PPP2R3B: variants seen among roughly 807,000 people sequenced by gnomAD.
The protein encoded by PPP2R3B is serine/threonine-protein phosphatase 2A regulatory subunit B'' subunit beta.
PPP2R3B carries 68 observed loss-of-function variants against 72.9 expected under a neutral mutation model. That is an observed-to-expected ratio of 0.93 (90% CI 0.77 to 1.14). The LOEUF (loss-of-function observed/expected upper bound fraction) is 1.14. PPP2R3B is among the 50% of genes most tolerant of loss of function. The pLI is 0.00. For missense variants in PPP2R3B, 1,018 were observed against 842.0 expected, an observed-to-expected ratio of 1.21 and a Z score of -2.59; for synonymous variants, 466 against 375.8, an observed-to-expected ratio of 1.24 and a Z score of -2.78.
intron 1 of PPP2R3B, among the ~76,000 whole-genome samples, chrX:369,027 G>A (rs2071797505): frequency 6.6e-6 from 1 of 152,242 alleles, no homozygotes; most frequent in African/African-American, 2.4e-5. Context: ...CCCCAGCACA[G>A]CTGCAGAGCA....
chrX:374,102 C>T (rs1396261837), intron 1 of PPP2R3B: 3 of 151,016 alleles, frequency 2.0e-5, no homozygotes, highest in African/African-American at 7.3e-5. Flanking sequence ...CTGGGCGGAA[C>T]GCGCATCAAC....
chrX:384,981 T>TAAA (rs2072211999), intron 1 of PPP2R3B, among the ~76,000 whole-genome samples: 1 of 45,062 alleles, frequency 2.2e-5, no homozygotes, highest in African/African-American at 1.2e-4. Context: ...AGAATCTGTC[T>TAAA]CAAAAAAAAA....
At chrX:346,281 C>T (rs1301786289) in intron 5 of PPP2R3B, 21 bp from the exon 6 acceptor site, 1 of 1,552,556 alleles carries the variant, frequency 6.4e-7, no homozygotes, top group East Asian at 2.4e-5. Flanking sequence ...GCTGTCAGTG[C>T]GGTGGGTGCG....
chrX:353,161 G>A (rs1262393179), intron 2 of PPP2R3B, among the ~76,000 whole-genome samples: 1 of 152,088 alleles, frequency 6.6e-6, no homozygotes, highest in Admixed American at 6.5e-5. Flanking sequence ...ATCACCCGAG[G>A]TCAAGAGTTC....
chrX:386,364 T>A lies in PPP2R3B; in HGVS notation c.324+4A>T. 1 of 1,312,956 alleles carries A rather than the reference T, an allele frequency of 7.6e-7. No individual in the cohort carries two copies. The highest frequency in any genetic ancestry group is 9.8e-7 in the Non-Finnish European group (1 of 1,023,688). 81.3% of individuals were successfully genotyped at this position (1,312,956 alleles called of 1,614,324 possible). ...AGTTGTTAGCAGAAGGAAGAGTAACTTACTACTCTCGTCCCTGCGGATCTA... is the reference window on the plus strand; with the variant it reads ...AGTTGTTAGCAGAAGGAAGAGTAACATACTACTCTCGTCCCTGCGGATCTA... On this transcript the variant is annotated splice_donor_region_variant and intron_variant, in intron 1 of 12. Transcript: ENST00000390665.
Position 340,175 on chromosome X carries a change from GGGGGC to G in PPP2R3B, c.1351+585_1351+589del, listed in dbSNP as rs1420107439. Among the ~76,000 whole-genome samples, 5 of 9,014 alleles carry G rather than the reference GGGGGC, an allele frequency of 5.5e-4. 1 individual carries two copies. Among genetic ancestry groups the G allele is most frequent in the African/African-American group, 4.8e-3 (4 of 834 alleles). The allele number at this position is 9,014 out of a possible 152,430, so 5.9% of individuals were successfully genotyped here. On this transcript the variant is annotated intron_variant, in intron 10 of 12. Coordinates refer to ENST00000390665, the MANE Select transcript of PPP2R3B (RefSeq NM_013239.5). ...GGGGGGTGAGAAGGGAGGAGACGGG[GGGGGC>G]GGGGTGAGAGGGGAGGAGACGGGGG... is the stretch of plus-strand genomic sequence containing the variant.
chrX:370,593 G>A (rs1214203507), intron 1 of PPP2R3B, among the ~76,000 whole-genome samples: 5 of 152,194 alleles, frequency 3.3e-5, no homozygotes, highest in Non-Finnish European at 7.4e-5. Flanking sequence ...CTTCTGTGTG[G>A]ACGTTCCCAC....
chrX:350,233 A>G (rs1204828482), intron 2 of PPP2R3B, among the ~76,000 whole-genome samples: 1 of 152,226 alleles, frequency 6.6e-6, no homozygotes, highest in Non-Finnish European at 1.5e-5. Flanking sequence ...CACTTCACAC[A>G]AACTGAATAC....
chrX:334,168 T>C lies in PPP2R3B; in HGVS notation c.*199A>G, dbSNP rs1426918068. 1.3e-5 allele frequency: 7 copies of C among 545,644 alleles called. No homozygotes were observed. Among genetic ancestry groups the C allele is most frequent in the Non-Finnish European group, 2.0e-5 (7 of 344,576 alleles). The allele number at this position is 545,644 out of a possible 1,614,324, so 33.8% of individuals were successfully genotyped here. A position where few individuals can be genotyped will look rare whatever the true frequency, so the allele number is the denominator to read the frequency against. ...AACCCGTCCCATTCACGCGCGGCCC[T>C]ACGTGTCCCCCTGGCACAGAGCTCT... On this transcript the variant is annotated 3_prime_UTR_variant, in exon 13 of 13. Coordinates refer to ENST00000390665, the MANE Select transcript of PPP2R3B (RefSeq NM_013239.5).
At chrX:371,325 G>A (rs1476953687) in intron 1 of PPP2R3B, among the ~76,000 whole-genome samples, 4 of 152,244 alleles carry the variant, frequency 2.6e-5, no homozygotes, top group South Asian at 2.1e-4. Context: ...GAGCCTCCCC[G>A]GACCCACGGC....
intron 2 of PPP2R3B, among the ~76,000 whole-genome samples, chrX:357,251 G>C (rs1343706862): frequency 6.6e-6 from 1 of 152,094 alleles, no homozygotes; most frequent in Non-Finnish European, 1.5e-5. Context: ...ACAAACGGCC[G>C]GTCCTGCCTA....
At chrX:364,641 A>G (rs867019146) in intron 1 of PPP2R3B, among the ~76,000 whole-genome samples, 1 of 125,546 alleles carries the variant, frequency 8.0e-6, no homozygotes, top group Non-Finnish European at 1.7e-5. Flanking sequence ...TCGCTTCAAC[A>G]CAGGAGGCGG....
chrX:351,750 G>C (rs1288028327), intron 2 of PPP2R3B, among the ~76,000 whole-genome samples: 9 of 152,022 alleles, frequency 5.9e-5, no homozygotes, highest in African/African-American at 1.9e-4. Flanking sequence ...CCAGGCTGGA[G>C]TGCAGTGTGT....
intron 1 of PPP2R3B, among the ~76,000 whole-genome samples, chrX:363,923 C>A (rs1332228609): frequency 6.6e-6 from 1 of 152,258 alleles, no homozygotes; most frequent in Non-Finnish European, 1.5e-5. Flanking sequence ...AACCAACCTT[C>A]CTGATGAAAA....
At position 364,524 on chromosome X, in the gene PPP2R3B, A is replaced by C. The variant is rs1365798888; in HGVS notation, c.325-2934T>G. 5.5e-5 allele frequency among the ~76,000 whole-genome samples: 8 copies of C among 146,156 alleles called. No homozygotes were observed. The South Asian group carries it at 1.5e-3, about 27-fold the overall frequency. Reference sequence around the variant, plus strand: ...TCTCTACTAAAAAAAAAAAAAACAAAAAAAAAAAAACAGAAAACAAAAAAC... The same window carrying C: ...TCTCTACTAAAAAAAAAAAAAACAACAAAAAAAAAACAGAAAACAAAAAAC... On this transcript the variant is annotated intron_variant, in intron 1 of 12. Coordinates refer to ENST00000390665, the MANE Select transcript of PPP2R3B (RefSeq NM_013239.5).
In PPP2R3B at chrX:334,523, A is replaced by C; in HGVS notation, c.1578-6T>G. 6.5e-7 allele frequency: 1 copy of C among 1,533,020 alleles called. No homozygotes were observed. Among genetic ancestry groups the C allele is most frequent in the African/African-American group, 1.4e-5 (1 of 71,188 alleles). The allele number at this position is 1,533,020 out of a possible 1,614,324, so 95.0% of individuals were successfully genotyped here. A position where few individuals can be genotyped will look rare whatever the true frequency, so the allele number is the denominator to read the frequency against. ...GGCTGAGCTCGGCCTCGAACCTGCAACGAGGGGATGGCGAAGACGTGGCCA... is the reference window on the plus strand; with the variant it reads ...GGCTGAGCTCGGCCTCGAACCTGCACCGAGGGGATGGCGAAGACGTGGCCA... On this transcript the variant is annotated splice_polypyrimidine_tract_variant and splice_region_variant and intron_variant, in intron 12 of 12. Coordinates refer to ENST00000390665, the MANE Select transcript of PPP2R3B (RefSeq NM_013239.5).
chrX:340,990 G>C, intron 9 of PPP2R3B, 50 bp from the exon 10 acceptor site: 2 of 1,581,022 alleles, frequency 1.3e-6, no homozygotes, highest in Non-Finnish European at 1.7e-6. Context: ...CTCCCAGCCC[G>C]TGACCTGCAG....
intron 2 of PPP2R3B, 50 bp downstream of exon 2, chrX:361,355 A>G (rs770125157): frequency 1.2e-6 from 2 of 1,602,684 alleles, no homozygotes; most frequent in East Asian, 2.2e-5. Flanking sequence ...TCACCCTCAC[A>G]TGCCCGCAGT....
chrX:344,899 A>G (rs1211226487), intron 7 of PPP2R3B: 1 of 336,822 alleles, frequency 3.0e-6, no homozygotes, highest in African/African-American at 2.2e-5. Context: ...CGTAATTCGG[A>G]AACAGTCTTG....
Sources: allele counts gnomAD v4.1 joint callset (sites outside exome capture counted in the v4.1 genomes callset), GRCh38; gene constraint gnomAD v4.1.1; transcripts MANE v1.5; gene names NCBI Gene and HGNC (gene_info 2026-07-23, HGNC 2026-07-21).